IL1RAPL2: variants seen among roughly 807,000 people sequenced by gnomAD.
IL1RAPL2 encodes the protein X-linked interleukin-1 receptor accessory protein-like 2.
In IL1RAPL2, 3 loss-of-function variants were observed where a neutral mutation model predicts 44.1. The ratio of observed to expected loss-of-function variants is 0.07; its 90% CI spans 0.03 to 0.18. IL1RAPL2 has a LOEUF of 0.18. Ranked by LOEUF, IL1RAPL2 falls within the 10% of genes least tolerant of loss-of-function variation. IL1RAPL2 has a pLI of 1.00. For missense variants in IL1RAPL2, 391 were observed against 496.4 expected, an observed-to-expected ratio of 0.79 and a Z score of 2.02; for synonymous variants, 181 against 178.8, an observed-to-expected ratio of 1.01 and a Z score of -0.10.
intron 1 of IL1RAPL2, among the ~76,000 whole-genome samples, chrX:104,624,253 C>T (rs184550076): frequency 6.3e-5 from 7 of 111,066 alleles, no homozygotes; most frequent in Admixed American, 1.9e-4. Context: ...TTAATATTTT[C>T]GACTTTCAGA....
At chrX:105,491,415 A>T (rs1383792735) in intron 6 of IL1RAPL2, among the ~76,000 whole-genome samples, 1 of 111,604 alleles carries the variant, frequency 9.0e-6, no homozygotes, top group East Asian at 2.8e-4. Context: ...TGGTGGAAGC[A>T]AGGGATTTTT....
chrX:104,647,196 G>A (rs1026521371), intron 1 of IL1RAPL2: 12 of 327,803 alleles, frequency 3.7e-5, no homozygotes, highest in Non-Finnish European at 6.9e-5. Context: ...GGCAGGGTGG[G>A]CCCCCACTGG....
chrX:105,479,624 A>C (rs2036220918), intron 5 of IL1RAPL2, among the ~76,000 whole-genome samples: 1 of 109,890 alleles, frequency 9.1e-6, no homozygotes, highest in South Asian at 3.9e-4. Context: ...CTGTAATCCC[A>C]GCTACTCCAG....
chrX:105,646,226 G>C (rs1304221028), intron 6 of IL1RAPL2, among the ~76,000 whole-genome samples: 2 of 111,706 alleles, frequency 1.8e-5, no homozygotes, highest in Non-Finnish European at 3.8e-5. Context: ...GTGCATATGT[G>C]TGTCTCTGTC....
intron 2 of IL1RAPL2, among the ~76,000 whole-genome samples, chrX:105,079,658 C>T (rs1447620654): frequency 1.8e-5 from 2 of 109,141 alleles, no homozygotes; most frequent in Non-Finnish European, 3.8e-5. Context: ...CTGCAATAAA[C>T]ATATGTGTCC....
At chrX:105,302,491 C>T (rs1214301030) in intron 5 of IL1RAPL2, among the ~76,000 whole-genome samples, 2 of 111,983 alleles carry the variant, frequency 1.8e-5, no homozygotes, top group African/African-American at 6.5e-5. Flanking sequence ...TTCTTCCCTT[C>T]AAGGAAGCTG....
At chrX:105,407,180 T>A in intron 5 of IL1RAPL2, 1 of 471,547 alleles carries the variant, frequency 2.1e-6, no homozygotes, top group Non-Finnish European at 3.8e-6. Context: ...ATTTAGAGGA[T>A]TATGCTTGTT....
chrX:105,233,164 G>C (rs1381683258), intron 3 of IL1RAPL2, among the ~76,000 whole-genome samples: 2 of 111,145 alleles, frequency 1.8e-5, no homozygotes, highest in Admixed American at 1.9e-4. Flanking sequence ...GGTGCCTGTA[G>C]TTCCAGCTAC....
chrX:105,144,020 A>G (rs1271564697), intron 2 of IL1RAPL2, among the ~76,000 whole-genome samples: 3 of 110,096 alleles, frequency 2.7e-5, no homozygotes, highest in African/African-American at 9.9e-5. Flanking sequence ...ACAAAATAAA[A>G]AAAAAATACT....
chrX:104,905,664 T>G (rs1460427884), intron 2 of IL1RAPL2, among the ~76,000 whole-genome samples: 1 of 111,693 alleles, frequency 9.0e-6, no homozygotes, highest in African/African-American at 3.3e-5. Flanking sequence ...CTGATCTATA[T>G]CTCTGTTTTG....
At chrX:104,984,288 AC>A (rs1373692401) in intron 2 of IL1RAPL2, among the ~76,000 whole-genome samples, 1 of 111,663 alleles carries the variant, frequency 9.0e-6, no homozygotes. Flanking sequence ...AGAAAAAAAT[AC>A]AAAAAAGTAC....
chrX:104,805,876 G>C (rs995705499), intron 2 of IL1RAPL2, among the ~76,000 whole-genome samples: 2 of 111,992 alleles, frequency 1.8e-5, no homozygotes, highest in South Asian at 7.5e-4. Flanking sequence ...CACACAGCTA[G>C]AAACTGTTGA....
chrX:105,038,781 C>T (rs1213362791), intron 2 of IL1RAPL2, among the ~76,000 whole-genome samples: 2 of 110,681 alleles, frequency 1.8e-5, no homozygotes, highest in African/African-American at 6.6e-5. Context: ...CTCCAGTGCC[C>T]TGTCTCCTGG....
At chrX:104,592,783 C>T (rs1008898249) in intron 1 of IL1RAPL2, among the ~76,000 whole-genome samples, 7 of 111,885 alleles carry the variant, frequency 6.3e-5, no homozygotes, top group Admixed American at 9.5e-5. Context: ...GAAACATAGC[C>T]GGTTCCATTT....
intron 5 of IL1RAPL2, among the ~76,000 whole-genome samples, chrX:105,404,057 G>A (rs1335555792): frequency 8.9e-6 from 1 of 111,957 alleles, no homozygotes; most frequent in Non-Finnish European, 1.9e-5. Flanking sequence ...TAGTTATAAA[G>A]TTGATGTTCA....
chrX:104,745,687 CAT>C (rs1932162320), intron 2 of IL1RAPL2, among the ~76,000 whole-genome samples: 1 of 111,520 alleles, frequency 9.0e-6, no homozygotes, highest in Admixed American at 9.5e-5. Flanking sequence ...ATAATTTTAG[CAT>C]TTTCAGATTA....
intron 2 of IL1RAPL2, among the ~76,000 whole-genome samples, chrX:104,839,130 T>C (rs1921832343): frequency 9.1e-6 from 1 of 110,369 alleles, no homozygotes; most frequent in South Asian, 3.9e-4. Flanking sequence ...ATTACAAGCA[T>C]GAGCCACTGT....
chrX:104,603,679 T>C (rs1407393820), intron 1 of IL1RAPL2, among the ~76,000 whole-genome samples: 1 of 111,549 alleles, frequency 9.0e-6, no homozygotes, highest in Non-Finnish European at 1.9e-5. Context: ...AATAGCTGAT[T>C]CGATCAAGCG....
At chrX:105,184,531 T>C (rs1415316469) in intron 2 of IL1RAPL2, among the ~76,000 whole-genome samples, 2 of 109,762 alleles carry the variant, frequency 1.8e-5, no homozygotes, top group African/African-American at 3.3e-5. Context: ...ATTTAAATAA[T>C]ATAATTTATA....
Sources: allele counts gnomAD v4.1 joint callset (sites outside exome capture counted in the v4.1 genomes callset), GRCh38; gene constraint gnomAD v4.1.1; transcripts MANE v1.5; gene names NCBI Gene and HGNC (gene_info 2026-07-23, HGNC 2026-07-21).